GAS2: variants seen among roughly 807,000 people sequenced by gnomAD.
GAS2 encodes the protein growth arrest-specific protein 2.
In GAS2, 20 loss-of-function variants were observed where a neutral mutation model predicts 37.5. The ratio of observed to expected loss-of-function variants is 0.53; its 90% CI spans 0.37 to 0.77. The LOEUF (loss-of-function observed/expected upper bound fraction) is 0.77, where lower values mean the gene tolerates loss of function less well. Among genes scored for constraint, GAS2 ranks in the 30% least tolerant of loss-of-function variants. The pLI is 0.00. For synonymous variants in GAS2, 144 were observed against 132.2 expected (o/e 1.09, Z -0.61); for missense variants, 336 against 373.4 (o/e 0.90, Z 0.82).
chr11:22,760,922 G>A (rs966904502), intron 7 of GAS2, among the ~76,000 whole-genome samples: 1 of 152,124 alleles, frequency 6.6e-6, no homozygotes, highest in Non-Finnish European at 1.5e-5. Context: ...CATTTGAATC[G>A]CCCTTTTGCT....
chr11:22,676,158 A>G (rs1331351818), intron 2 of GAS2, among the ~76,000 whole-genome samples: 1 of 152,138 alleles, frequency 6.6e-6, no homozygotes, highest in Non-Finnish European at 1.5e-5. Flanking sequence ...ATAGGTCAGA[A>G]AAAGAAGAAG....
At chr11:22,750,777 T>A (rs1437792245) in intron 6 of GAS2, among the ~76,000 whole-genome samples, 1 of 152,032 alleles carries the variant, frequency 6.6e-6, no homozygotes, top group Non-Finnish European at 1.5e-5. Flanking sequence ...CTCTAGTCTT[T>A]ATGTTATAAA....
intron 3 of GAS2, among the ~76,000 whole-genome samples, chr11:22,686,617 A>G (rs1340760489): frequency 2.1e-5 from 3 of 145,990 alleles, no homozygotes; most frequent in Non-Finnish European, 4.5e-5. Flanking sequence ...TGGCATCATG[A>G]CACATGTCTA....
At chr11:22,712,306 C>T (rs529023280) in intron 3 of GAS2, among the ~76,000 whole-genome samples, 12 of 152,340 alleles carry the variant, frequency 7.9e-5, no homozygotes, top group African/African-American at 2.2e-4. Context: ...CTTTACTCCC[C>T]TGCCATCTCC....
upstream of GAS2, among the ~76,000 whole-genome samples, chr11:22,662,646 A>C (rs899766203): frequency 6.6e-6 from 1 of 151,882 alleles, no homozygotes; most frequent in African/African-American, 2.4e-5. Flanking sequence ...AAGATAAAGA[A>C]AGAAAGAAAA....
At chr11:22,658,316 A>G (rs149046146) in intron 1 of GAS2, among the ~76,000 whole-genome samples, 1 of 152,302 alleles carries the variant, frequency 6.6e-6, no homozygotes, top group African/African-American at 2.4e-5. Flanking sequence ...GGTGTGAGCC[A>G]CTGTGCCTGG....
intron 3 of GAS2, among the ~76,000 whole-genome samples, chr11:22,722,412 T>C (rs1280738579): frequency 2.6e-5 from 4 of 151,876 alleles, no homozygotes; most frequent in Non-Finnish European, 5.9e-5. Flanking sequence ...ACAATCCCAA[T>C]AGCTTATTGG....
chr11:22,627,386 T>C (rs1018634017), intron 1 of GAS2, among the ~76,000 whole-genome samples: 1 of 152,174 alleles, frequency 6.6e-6, no homozygotes, highest in African/African-American at 2.4e-5. Context: ...AAGAGAGACA[T>C]TAAATGAATA....
intron 1 of GAS2, among the ~76,000 whole-genome samples, chr11:22,669,347 A>G (rs1334152503): frequency 2.6e-5 from 4 of 152,210 alleles, no homozygotes; most frequent in Non-Finnish European, 4.4e-5. Flanking sequence ...AAAAAAACCT[A>G]TGCTAAATTG....
intron 5 of GAS2, among the ~76,000 whole-genome samples, chr11:22,742,202 T>C (rs1853128913): frequency 6.6e-6 from 1 of 152,112 alleles, no homozygotes; most frequent in African/African-American, 2.4e-5. Context: ...TATGAGGATA[T>C]GATTTTAGTG....
intron 1 of GAS2, among the ~76,000 whole-genome samples, chr11:22,669,117 A>T (rs1277508648): frequency 6.6e-6 from 1 of 152,348 alleles, no homozygotes; most frequent in Admixed American, 6.5e-5. Context: ...TTTCCACAGA[A>T]TGTAGAACCC....
At chr11:22,766,249 T>TTA (rs1231261770) in intron 7 of GAS2, among the ~76,000 whole-genome samples, 4 of 152,026 alleles carry the variant, frequency 2.6e-5, no homozygotes, top group African/African-American at 9.7e-5. Context: ...ATTCTTTTTT[T>TTA]TTTTTTCAAC....
chr11:22,674,847 C>G lies in GAS2; in HGVS notation c.-20-3C>G. On this transcript the variant is annotated splice_polypyrimidine_tract_variant and splice_region_variant and intron_variant, in intron 1 of 7. Coordinates refer to ENST00000454584, the MANE Select transcript of GAS2 (RefSeq NM_001143830.3). ...AGCAATTGCTCTTTTGTTTCCAAAACAGGTATTACAAGTGGATAAATAATG... is the reference window on the plus strand; with the variant it reads ...AGCAATTGCTCTTTTGTTTCCAAAAGAGGTATTACAAGTGGATAAATAATG... 1.9e-6 allele frequency: 3 copies of G among 1,547,876 alleles called. No individual in the cohort carries two copies. Among genetic ancestry groups the G allele is most frequent in the Non-Finnish European group, 2.6e-6 (3 of 1,147,342 alleles).
chr11:22,779,724 A>G (rs375135511), intron 7 of GAS2, among the ~76,000 whole-genome samples: 3 of 145,148 alleles, frequency 2.1e-5, no homozygotes, highest in South Asian at 2.2e-4. Context: ...AAAAAAAAAA[A>G]CCAAACAAAC....
At chr11:22,791,714 G>C (rs1176095265) in intron 7 of GAS2, among the ~76,000 whole-genome samples, 2 of 151,934 alleles carry the variant, frequency 1.3e-5, no homozygotes, top group Admixed American at 6.6e-5. Flanking sequence ...GGAATGAACA[G>C]AATCAGAATG....
At chr11:22,800,427 G>A (rs1279664774) in intron 7 of GAS2, among the ~76,000 whole-genome samples, 2 of 152,070 alleles carry the variant, frequency 1.3e-5, no homozygotes, top group Admixed American at 1.3e-4. Flanking sequence ...CTAGACAATG[G>A]AGAGCCCTCA....
rs12576646 is a variant in GAS2 at position 22,659,041 on chromosome 11, G to T, written c.-20-15809G>T. 2.5e-4 allele frequency among the ~76,000 whole-genome samples: 38 copies of T among 152,272 alleles called. No individual in the cohort carries two copies. In the East Asian group the frequency reaches 7.1e-3, roughly 29 times the overall value. ...AGTATAGTTTTAAGGAGATGCATAT[G>T]GTTGCTAAATTGACAAGGAGTAGAT... is the stretch of plus-strand genomic sequence containing the variant. On this transcript the variant is annotated intron_variant, in intron 1 of 5. Coordinates refer to the GAS2 transcript ENST00000528582.
At position 22,811,981 on chromosome 11, in the gene GAS2, T is replaced by C. The variant is rs771942836; in HGVS notation, c.907T>C (p.Ser303Pro). Reference protein sequence around the residue: ...DMNPDNYLVVSASYKAKKEIK With the variant: ...DMNPDNYLVVPASYKAKKEIK Reference sequence around the variant, plus strand: ...GAATCCAGATAACTACTTGGTGGTCTCTGCCAGTTATAAGGCTAAGAAGGA... The same window carrying C: ...GAATCCAGATAACTACTTGGTGGTCCCTGCCAGTTATAAGGCTAAGAAGGA... Residue 303 changes from serine (S) to proline (P), a missense_variant, in exon 8 of 8, where the codon TCT (serine) becomes CCT (proline). Physicochemically the swap from Ser to Pro is moderately conservative, Grantham distance 74. Coordinates refer to ENST00000454584, the MANE Select transcript of GAS2 (RefSeq NM_001143830.3). The C allele has an allele frequency of 1.3e-5, 21 of 1,614,042 alleles. No homozygotes were observed. The East Asian group carries it at 2.9e-4, about 22-fold the overall frequency.
chr11:22,658,553 T>C (rs1203451655), intron 1 of GAS2, among the ~76,000 whole-genome samples: 1 of 152,178 alleles, frequency 6.6e-6, no homozygotes, highest in African/African-American at 2.4e-5. Context: ...TTGTAACTGC[T>C]TATCCAAAAA....
Sources: allele counts gnomAD v4.1 joint callset (sites outside exome capture counted in the v4.1 genomes callset), GRCh38; gene constraint gnomAD v4.1.1; transcripts MANE v1.5; gene names NCBI Gene and HGNC (gene_info 2026-07-23, HGNC 2026-07-21).